The following SLC6A6 variants were observed in gnomAD, a reference collection of about 807,000 sequenced individuals.
The protein encoded by SLC6A6 is solute carrier family 6 member 6, also known as sodium- and chloride-dependent taurine transporter.
SLC6A6 carries 16 observed loss-of-function variants against 68.8 expected under a neutral mutation model. That is an observed-to-expected ratio of 0.23 (90% CI 0.16 to 0.35). The LOEUF is 0.35. Ranked by LOEUF, SLC6A6 falls within the 10% of genes least tolerant of loss-of-function variation. SLC6A6 has a pLI of 1.00. For synonymous variants in SLC6A6, 312 were observed against 315.4 expected, an observed-to-expected ratio of 0.99 and a Z score of 0.12; for missense variants, 474 against 802.8, an observed-to-expected ratio of 0.59 and a Z score of 4.95.
chr3:14,437,031 G>A (rs1272169618), intron 2 of SLC6A6, among the ~76,000 whole-genome samples: 1 of 130,440 alleles, frequency 7.7e-6, no homozygotes, highest in Non-Finnish European at 1.6e-5. Flanking sequence ...GACCTGGGGG[G>A]CATTTGGAGC....
At chr3:14,409,464 G>A (rs962920769) in intron 1 of SLC6A6, among the ~76,000 whole-genome samples, 3 of 152,214 alleles carry the variant, frequency 2.0e-5, no homozygotes, top group African/African-American at 4.8e-5. Flanking sequence ...AAAATGGGTG[G>A]CCCCAGCCCA....
rs376798180 is a variant in SLC6A6 at position 14,472,711 on chromosome 3, G to A, written c.1209+394G>A. Among the ~76,000 whole-genome samples the A allele has an allele frequency of 1.3e-5, 2 of 152,134 alleles. No individual in the cohort carries two copies. Among genetic ancestry groups the A allele is most frequent in the Admixed American group, 6.5e-5 (1 of 15,274 alleles). ...TGATGTGCTCCAGTGGAGCGTCGGCGGGGCACAGGAGGACATGGCAGATGG... is the reference window on the plus strand; with the variant it reads ...TGATGTGCTCCAGTGGAGCGTCGGCAGGGCACAGGAGGACATGGCAGATGG... On this transcript the variant is annotated intron_variant, in intron 10 of 14. Coordinates refer to ENST00000622186, the MANE Select transcript of SLC6A6 (RefSeq NM_003043.6). The surrounding 1 kb of genome is among the most constrained non-coding windows in gnomAD (Gnocchi z 4.5).
At chr3:14,429,987 G>T (rs1030504106) in intron 2 of SLC6A6, among the ~76,000 whole-genome samples, 4 of 152,152 alleles carry the variant, frequency 2.6e-5, no homozygotes, top group Non-Finnish European at 5.9e-5. Context: ...GAAGAGTCTT[G>T]GGTGGGCGGG....
rs189271260 is a variant in SLC6A6 at position 14,422,362 on chromosome 3, C to T, written c.-12+5909C>T. Among the ~76,000 whole-genome samples, 796 of 152,172 alleles carry T rather than the reference C, an allele frequency of 5.2e-3. 6 individuals are homozygous for T. Among genetic ancestry groups the T allele is most frequent in the South Asian group, 0.027 (132 of 4,810 alleles). ...CTAACCCTCTGTGTGACCTCTGATT[C>T]GCCATGGAAAAAAGAGTGAATAGAA... On this transcript the variant is annotated intron_variant, in intron 2 of 14. Transcript: ENST00000622186.
intron 5 of SLC6A6, 45 bp downstream of exon 5, chr3:14,447,861 A>G (rs778164165): frequency 3.3e-5 from 53 of 1,608,114 alleles, no homozygotes; most frequent in Non-Finnish European, 4.4e-5. Context: ...TGGGTGGGGC[A>G]GAGAGGATGG....
At position 14,477,459 on chromosome 3, in the gene SLC6A6, C is replaced by G; in HGVS notation, c.1347+117C>G. 9.4e-7 allele frequency: 1 copy of G among 1,060,388 alleles called. No homozygotes were observed. 65.7% of individuals were successfully genotyped at this position (1,060,388 alleles called of 1,614,324 possible). ...GTAGGGGCTTCATCTCCCAGCCCCACCCAATTCAGGGGTCCTGCTTGGACC... is the reference window on the plus strand; with the variant it reads ...GTAGGGGCTTCATCTCCCAGCCCCAGCCAATTCAGGGGTCCTGCTTGGACC... On this transcript the variant is annotated intron_variant, in intron 11 of 14. Transcript: ENST00000622186. The surrounding 1 kb of genome is among the most constrained non-coding windows in gnomAD (Gnocchi z 4.2).
intron 1 of SLC6A6, among the ~76,000 whole-genome samples, chr3:14,416,095 T>A (rs908476612): frequency 6.6e-6 from 1 of 151,810 alleles, no homozygotes; most frequent in East Asian, 1.9e-4. Context: ...TGAGTGGGAG[T>A]GCATGTGTGA....
intron 14 of SLC6A6, 78 bp from the exon 15 acceptor site, chr3:14,484,789 G>A (rs997846329): frequency 6.8e-7 from 1 of 1,476,112 alleles, no homozygotes; most frequent in African/African-American, 1.4e-5. Context: ...GCCAATTCAG[G>A]AGGAGGCAGA....
At chr3:14,409,505 T>C (rs1699190167) in intron 1 of SLC6A6, among the ~76,000 whole-genome samples, 2 of 152,262 alleles carry the variant, frequency 1.3e-5, no homozygotes, top group Admixed American at 1.3e-4. Flanking sequence ...GAAGGAGCGC[T>C]GGACCCAGAG....
Position 14,477,457 on chromosome 3 carries a change from C to T in SLC6A6, c.1347+115C>T. The T allele has an allele frequency of 9.2e-7, 1 of 1,082,756 alleles. No homozygotes were observed. The highest frequency in any genetic ancestry group is 1.4e-6 in the Non-Finnish European group (1 of 730,508). The allele number at this position is 1,082,756 out of a possible 1,614,324, so 67.1% of individuals were successfully genotyped here. A position where few individuals can be genotyped will look rare whatever the true frequency, so the allele number is the denominator to read the frequency against. ...AGGTAGGGGCTTCATCTCCCAGCCC[C>T]ACCCAATTCAGGGGTCCTGCTTGGA... On this transcript the variant is annotated intron_variant, in intron 11 of 14. Transcript: ENST00000622186. The surrounding 1 kb of genome is among the most constrained non-coding windows in gnomAD (Gnocchi z 4.2).
At position 14,444,156 on chromosome 3, in the gene SLC6A6, A is replaced by G. The variant is rs569777277; in HGVS notation, c.229+293A>G. Reference sequence around the variant, plus strand: ...ACCTCCAAAGAGGCAGGACAAGGCCAGGCTTGTGTCTCCCAAGCCCCAGAC... The same window carrying G: ...ACCTCCAAAGAGGCAGGACAAGGCCGGGCTTGTGTCTCCCAAGCCCCAGAC... On this transcript the variant is annotated intron_variant, in intron 3 of 14. Coordinates refer to ENST00000622186, the MANE Select transcript of SLC6A6 (RefSeq NM_003043.6). 2.2e-5 allele frequency: 8 copies of G among 362,764 alleles called. No individual in the cohort carries two copies. The East Asian group carries it at 3.9e-4, about 18-fold the overall frequency. 22.5% of individuals were successfully genotyped at this position (362,764 alleles called of 1,614,324 possible). A position where few individuals can be genotyped will look rare whatever the true frequency, so the allele number is the denominator to read the frequency against.
chr3:14,436,800 G>C (rs1158411525), intron 2 of SLC6A6, among the ~76,000 whole-genome samples: 2 of 152,100 alleles, frequency 1.3e-5, no homozygotes, highest in South Asian at 2.1e-4. Context: ...TAGCTGGCCT[G>C]GCCCAGCCCT....
intron 6 of SLC6A6, 88 bp from the exon 7 acceptor site, chr3:14,466,428 T>C: frequency 6.9e-7 from 1 of 1,443,076 alleles, no homozygotes; most frequent in Non-Finnish European, 9.4e-7. Flanking sequence ...TCCTGACCAG[T>C]GCTCCCCTCT....
At position 14,443,838 on chromosome 3, in the gene SLC6A6, G is replaced by C; in HGVS notation, c.204G>C (p.Pro68=). ...FVGLGNVWRF[P]YLCYKNGGGA... ...GCTTGGGCAACGTCTGGCGCTTCCC[G>C]TACCTCTGCTACAAGAATGGTGGAG... is the stretch of plus-strand genomic sequence containing the variant. The change falls in exon 3 of 15, where the codon CCG becomes CCC. Residue 68 remains proline, a synonymous_variant. Coordinates refer to ENST00000622186, the MANE Select transcript of SLC6A6 (RefSeq NM_003043.6). The C allele has an allele frequency of 6.2e-7, 1 of 1,613,560 alleles. No individual in the cohort carries two copies. The highest frequency in any genetic ancestry group is 1.3e-5 in the African/African-American group (1 of 75,024).
At chr3:14,469,534 C>A (rs1298355753) in intron 9 of SLC6A6, among the ~76,000 whole-genome samples, 1 of 152,222 alleles carries the variant, frequency 6.6e-6, no homozygotes, top group Non-Finnish European at 1.5e-5. Flanking sequence ...AGACCAGCAA[C>A]CTGAGAGCAA....
intron 1 of SLC6A6, among the ~76,000 whole-genome samples, chr3:14,413,780 A>G (rs1699304741): frequency 6.6e-6 from 1 of 152,148 alleles, no homozygotes; most frequent in Non-Finnish European, 1.5e-5. Context: ...CGGGAACCTC[A>G]GGTGTTCTGT....
Position 14,472,102 on chromosome 3 carries a change from C to T in SLC6A6, c.1097-103C>T. 1.4e-6 allele frequency: 1 copy of T among 701,952 alleles called. No homozygotes were observed. The highest frequency in any genetic ancestry group is 2.6e-6 in the Non-Finnish European group (1 of 390,502). The allele number at this position is 701,952 out of a possible 1,614,324, so 43.5% of individuals were successfully genotyped here. ...GCCAGAGTTCAGACCTGGCTCCCTGCTGTATTTGGGTCTGAGTGTCTTTGT... is the reference window on the plus strand; with the variant it reads ...GCCAGAGTTCAGACCTGGCTCCCTGTTGTATTTGGGTCTGAGTGTCTTTGT... On this transcript the variant is annotated intron_variant, in intron 9 of 14. Transcript: ENST00000622186. The surrounding 1 kb of genome is among the most constrained non-coding windows in gnomAD (Gnocchi z 4.5).
intron 1 of SLC6A6, among the ~76,000 whole-genome samples, chr3:14,413,351 C>T (rs1370015218): frequency 6.6e-6 from 1 of 152,252 alleles, no homozygotes; most frequent in Non-Finnish European, 1.5e-5. Flanking sequence ...GCTGGTTCAT[C>T]CCTGCAGCCA....
At position 14,485,687 on chromosome 3, in the gene SLC6A6, G is replaced by A. The variant is rs1257306481; in HGVS notation, c.*680G>A. The A allele has an allele frequency of 2.0e-5, 3 of 152,680 alleles. No homozygotes were observed. Among genetic ancestry groups the A allele is most frequent in the Non-Finnish European group, 4.4e-5 (3 of 68,064 alleles). 9.5% of individuals were successfully genotyped at this position (152,680 alleles called of 1,614,324 possible). ...CTTCACATAAAGGAGACTGGCTGAAGCTGAATGAGGAGGCCCTATAGCAGA... is the reference window on the plus strand; with the variant it reads ...CTTCACATAAAGGAGACTGGCTGAAACTGAATGAGGAGGCCCTATAGCAGA... On this transcript the variant is annotated 3_prime_UTR_variant, in exon 15 of 15. Transcript: ENST00000622186.
Sources: gnomAD v4.1 joint callset for allele counts (sites outside exome capture counted in the v4.1 genomes callset) on GRCh38, gnomAD v4.1.1 for gene constraint, Gnocchi (gnomAD v3.1) non-coding constraint, MANE v1.5 for transcripts, NCBI Gene and HGNC (gene_info 2026-07-23, HGNC 2026-07-21) for gene names.